Variants in MYT1L observed in about 807,000 individuals in gnomAD.
The protein encoded by MYT1L is myelin transcription factor 1-like protein.
A neutral mutation model predicts 126.7 loss-of-function variants in MYT1L; 12 were observed. The observed-to-expected ratio is 0.09, with a 90% CI of 0.06 to 0.15. The LOEUF (loss-of-function observed/expected upper bound fraction) is 0.15, where lower values mean the gene tolerates loss of function less well. Among genes scored for constraint, MYT1L ranks in the 10% least tolerant of loss-of-function variants. The pLI is 1.00. For missense variants in MYT1L, 979 were observed against 1,585.2 expected, an observed-to-expected ratio of 0.62 and a Z score of 6.49; for synonymous variants, 541 against 604.2, an observed-to-expected ratio of 0.90 and a Z score of 1.53.
intron 2 of MYT1L, among the ~76,000 whole-genome samples, chr2:2,190,555 T>TAA (rs777939174): frequency 0.051 from 5,569 of 108,294 alleles, 161 homozygotes; most frequent in African/African-American, 0.07. Flanking sequence ...CAAGACCTGT[T>TAA]AAAAAAAAAA....
chr2:2,025,602 A>T (rs1460744099), intron 4 of MYT1L, among the ~76,000 whole-genome samples: 2 of 152,194 alleles, frequency 1.3e-5, no homozygotes, highest in Non-Finnish European at 2.9e-5. Context: ...CCTTTGAGAA[A>T]AGTAATCAGA....
chr2:1,833,931 C>A (rs2040504839), intron 21 of MYT1L, among the ~76,000 whole-genome samples: 1 of 152,228 alleles, frequency 6.6e-6, no homozygotes, highest in Admixed American at 6.5e-5. Context: ...GATTTCACAG[C>A]AAATGGGGTG....
At chr2:1,881,097 T>C (rs1031309601) in intron 18 of MYT1L, among the ~76,000 whole-genome samples, 4 of 152,136 alleles carry the variant, frequency 2.6e-5, no homozygotes, top group African/African-American at 7.2e-5. Context: ...CAAACCCCAA[T>C]GCCTGGGTCC....
intron 3 of MYT1L, among the ~76,000 whole-genome samples, chr2:2,093,712 A>G (rs1267063728): frequency 3.3e-5 from 5 of 152,210 alleles, no homozygotes; most frequent in Admixed American, 6.5e-5. Flanking sequence ...CCATTTGTCA[A>G]TTTTGGCTTT....
chr2:2,198,853 AT>A (rs1398895811), intron 2 of MYT1L, among the ~76,000 whole-genome samples: 2 of 152,206 alleles, frequency 1.3e-5, no homozygotes, highest in African/African-American at 4.8e-5. Context: ...CTCAAAAAAA[AT>A]AAAATTAAAA....
intron 18 of MYT1L, among the ~76,000 whole-genome samples, chr2:1,860,433 C>T (rs575886860): frequency 3.9e-5 from 6 of 152,300 alleles, no homozygotes; most frequent in South Asian, 2.1e-4. Flanking sequence ...TCAAACCACA[C>T]GCTCGGGATG....
chr2:2,025,467 T>G (rs2065445925), intron 4 of MYT1L, among the ~76,000 whole-genome samples: 1 of 152,218 alleles, frequency 6.6e-6, no homozygotes, highest in Non-Finnish European at 1.5e-5. Context: ...TCAAAGTCAA[T>G]TTTAAAATTA....
chr2:2,032,545 AT>A (rs1242491617), intron 4 of MYT1L, among the ~76,000 whole-genome samples: 6 of 137,450 alleles, frequency 4.4e-5, no homozygotes, highest in South Asian at 2.5e-4. Context: ...CCTTACACAC[AT>A]CCCTCCCCAG....
At position 2,326,193 on chromosome 2, in the gene MYT1L, G is replaced by A. The variant is rs73179802; in HGVS notation, c.-521+4774C>T. On this transcript the variant is annotated intron_variant, in intron 1 of 24. Transcript: ENST00000647738. ...CATTCACCCCTACCCTCTGGCGCCCGCACTCCACCAGCCCACTATCCACAG... is the reference window on the plus strand; with the variant it reads ...CATTCACCCCTACCCTCTGGCGCCCACACTCCACCAGCCCACTATCCACAG... 5.7e-3 allele frequency: 869 copies of A among 152,496 alleles called. 7 individuals are homozygous for A. The highest frequency in any genetic ancestry group is 0.02 in the African/African-American group (831 of 41,490). 9.4% of individuals were successfully genotyped at this position (152,496 alleles called of 1,614,324 possible).
chr2:1,927,925 AAAAACC>A (rs1454431018), intron 9 of MYT1L, among the ~76,000 whole-genome samples: 1 of 114,784 alleles, frequency 8.7e-6, no homozygotes, highest in Non-Finnish European at 1.7e-5. Context: ...GATAAGGAAA[AAAAACC>A]AAACCACATA....
rs2096234535 is a variant in MYT1L at position 2,325,491 on chromosome 2, T to C, written c.-521+5476A>G. 2.6e-5 allele frequency: 4 copies of C among 152,244 alleles called. No individual in the cohort carries two copies. The South Asian group carries it at 8.3e-4, about 32-fold the overall frequency. 9.4% of individuals were successfully genotyped at this position (152,244 alleles called of 1,614,324 possible). A position where few individuals can be genotyped will look rare whatever the true frequency, so the allele number is the denominator to read the frequency against. ...AAAAGACAAGTCCTAATATGGTTTT[T>C]AAAATAGCTAAGGGAACATAGATAC... On this transcript the variant is annotated intron_variant, in intron 1 of 24. Transcript: ENST00000647738.
At chr2:2,318,185 T>C (rs954300844) in intron 1 of MYT1L, among the ~76,000 whole-genome samples, 3 of 152,236 alleles carry the variant, frequency 2.0e-5, no homozygotes, top group African/African-American at 7.2e-5. Flanking sequence ...ACTCTACTAC[T>C]CCTTACACAA....
chr2:1,928,968 G>A (rs1275417056), intron 9 of MYT1L, among the ~76,000 whole-genome samples: 1 of 152,152 alleles, frequency 6.6e-6, no homozygotes, highest in Non-Finnish European at 1.5e-5. Flanking sequence ...GGATAAGGAT[G>A]TGCAGGGAGG....
At chr2:2,165,335 CAT>C (rs900326828) in intron 3 of MYT1L, among the ~76,000 whole-genome samples, 1 of 151,834 alleles carries the variant, frequency 6.6e-6, no homozygotes, top group African/African-American at 2.4e-5. Context: ...TACACATGCA[CAT>C]ACACACACAC....
intron 2 of MYT1L, among the ~76,000 whole-genome samples, chr2:2,210,630 G>C (rs2093472048): frequency 6.6e-6 from 1 of 152,062 alleles, no homozygotes; most frequent in Non-Finnish European, 1.5e-5. Context: ...ATTCTGTATA[G>C]TTCTGTAGTA....
chr2:1,964,690 G>A (rs368149081), intron 8 of MYT1L, among the ~76,000 whole-genome samples: 3 of 152,138 alleles, frequency 2.0e-5, no homozygotes, highest in South Asian at 4.2e-4. Context: ...ACAACAGACT[G>A]CATTAAGGAC....
intron 2 of MYT1L, among the ~76,000 whole-genome samples, chr2:2,241,610 T>G (rs182167581): frequency 6.6e-6 from 1 of 152,334 alleles, no homozygotes; most frequent in East Asian, 1.9e-4. Context: ...CGTTTCTTTC[T>G]TATATTTTTG....
chr2:1,869,845 CTGTT>C (rs1262067869), intron 18 of MYT1L, among the ~76,000 whole-genome samples: 10 of 152,186 alleles, frequency 6.6e-5, no homozygotes, highest in Non-Finnish European at 1.3e-4. Flanking sequence ...GCTCCCAAGG[CTGTT>C]TGAATCTGGG....
rs145120313 is a variant in MYT1L at position 1,987,159 on chromosome 2, T to C, written c.1-7382A>G. 3.1e-3 allele frequency among the ~76,000 whole-genome samples: 477 copies of C among 152,270 alleles called. 5 individuals are homozygous for C. The highest frequency in any genetic ancestry group is 0.011 in the African/African-American group (463 of 41,560). ...AAGTTCTGGGAGAAAATTCAAAGAA[T>C]CAGAATTTTAGGGCTGGGGGGTACC... On this transcript the variant is annotated intron_variant, in intron 5 of 24. Transcript: ENST00000647738.
Sources: allele counts gnomAD v4.1 joint callset (sites outside exome capture counted in the v4.1 genomes callset), GRCh38; gene constraint gnomAD v4.1.1; transcripts MANE v1.5; gene names NCBI Gene and HGNC (gene_info 2026-07-23, HGNC 2026-07-21).